The following UCP3 variants were observed in gnomAD, a reference collection of about 807,000 sequenced individuals.
UCP3 encodes putative mitochondrial transporter UCP3.
In UCP3, 24 loss-of-function variants were observed where a neutral mutation model predicts 28.1. That is an observed-to-expected ratio of 0.85 (90% CI 0.62 to 1.20). UCP3 has a LOEUF of 1.20. Ranked by LOEUF, UCP3 falls within the 50% of genes most tolerant of loss-of-function variation. The pLI, the probability that UCP3 is intolerant of heterozygous loss-of-function variation, is 0.00. For synonymous variants in UCP3, 184 were observed against 171.2 expected, an observed-to-expected ratio of 1.07 and a Z score of -0.59; for missense variants, 397 against 422.2, an observed-to-expected ratio of 0.94 and a Z score of 0.52.
Position 74,006,292 on chromosome 11 carries a change from C to T in UCP3, c.214G>A (p.Glu72Lys). 1.9e-6 allele frequency: 3 copies of T among 1,612,256 alleles called. No individual in the cohort carries two copies. Among genetic ancestry groups the T allele is most frequent in the Non-Finnish European group, 2.5e-6 (3 of 1,179,824 alleles). The change falls in exon 3 of 7, where the codon GAG (glutamate) becomes AAG (lysine). Residue 72 changes from glutamate (E) to lysine (K), a missense_variant. Physicochemically the swap from Glu to Lys is moderately conservative, Grantham distance 56. Transcript: ENST00000314032. ...CCATTGTAGGGGCTGCAGGGACCCT[C>T]AGTCCGCACCATGGTCAGGATGGTG... is the stretch of plus-strand genomic sequence containing the variant. ...LGTILTMVRT[E>K]GPCSPYNGLV...
At position 74,001,333 on chromosome 11, in the gene UCP3, T is replaced by C; in HGVS notation, c.*79A>G. 1.5e-6 allele frequency: 2 copies of C among 1,310,964 alleles called. No individual in the cohort carries two copies. The highest frequency in any genetic ancestry group is 1.1e-6 in the Non-Finnish European group (1 of 910,390). The allele number at this position is 1,310,964 out of a possible 1,614,324, so 81.2% of individuals were successfully genotyped here. ...GTAAACATGTGTGGGTCTGTGTCCA[T>C]GTGTGCGTGGATGCACCGTTTTCTT... On this transcript the variant is annotated 3_prime_UTR_variant, in exon 7 of 7. Coordinates refer to ENST00000314032, the MANE Select transcript of UCP3 (RefSeq NM_003356.4).
rs1951667274 is a variant in UCP3 at position 74,006,371 on chromosome 11, C to T, written c.135G>A (p.Gly45=). ...DTAKVRLQIQ[G]ENQAVQTARL... ...GGGCCGTCTGGACCGCCTGGTTCTCCCCCTGGATCTGAGGGACAATAGCAG... is the reference window on the plus strand; with the variant it reads ...GGGCCGTCTGGACCGCCTGGTTCTCTCCCTGGATCTGAGGGACAATAGCAG... Residue 45 remains glycine, a synonymous_variant, in exon 3 of 7, where the codon GGG becomes GGA. Coordinates refer to ENST00000314032, the MANE Select transcript of UCP3 (RefSeq NM_003356.4). The T allele has an allele frequency of 2.6e-6, 4 of 1,567,250 alleles. No individual in the cohort carries two copies. The highest frequency in any genetic ancestry group is 2.6e-6 in the Non-Finnish European group (3 of 1,159,788).
intron 1 of UCP3, among the ~76,000 whole-genome samples, chr11:74,008,552 A>G (rs1207296466): frequency 6.6e-6 from 1 of 152,182 alleles, no homozygotes; most frequent in Non-Finnish European, 1.5e-5. Flanking sequence ...ACCACGCCTC[A>G]GGTCAGAAGT....
At chr11:74,004,091 T>C (rs1484744953) in intron 5 of UCP3, 84 bp from the exon 6 acceptor site, 1 of 1,563,814 alleles carries the variant, frequency 6.4e-7, no homozygotes, top group Non-Finnish European at 8.7e-7. Flanking sequence ...AACTCAACCG[T>C]GAACTCCCTG....
chr11:74,006,657 C>A (rs1361849902), intron 2 of UCP3, among the ~76,000 whole-genome samples: 2 of 152,220 alleles, frequency 1.3e-5, no homozygotes, highest in African/African-American at 4.8e-5. Flanking sequence ...ACAGTTAATT[C>A]CTTACTTTTA....
intron 1 of UCP3, 52 bp from the exon 2 acceptor site, chr11:74,007,189 C>T (rs988737997): frequency 3.7e-6 from 4 of 1,069,738 alleles, no homozygotes; most frequent in South Asian, 3.2e-5. Flanking sequence ...GGCCTGGCTC[C>T]CAGGAACTCT....
At chr11:74,007,283 G>T in intron 1 of UCP3, 146 bp from the exon 2 acceptor site, 2 of 543,446 alleles carry the variant, frequency 3.7e-6, no homozygotes, top group Non-Finnish European at 6.6e-6. Flanking sequence ...ATAAAAACAG[G>T]TCACGTTCCT....
At position 74,006,397 on chromosome 11, in the gene UCP3, G is replaced by C; in HGVS notation, c.127-18C>G. ...CCCTGGATCTGAGGGACAATAGCAG[G>C]GGGTGAGGACTCAGATGGGAAGGCA... On this transcript the variant is annotated intron_variant, in intron 2 of 6. Coordinates refer to ENST00000314032, the MANE Select transcript of UCP3 (RefSeq NM_003356.4). The C allele has an allele frequency of 2.6e-6, 4 of 1,534,042 alleles. No individual in the cohort carries two copies. The South Asian group carries it at 3.7e-5, about 14-fold the overall frequency.
chr11:74,001,209 C>T lies in UCP3; in HGVS notation c.*203G>A. 1 of 590,350 alleles carries T rather than the reference C, an allele frequency of 1.7e-6. No individual in the cohort carries two copies. The highest frequency in any genetic ancestry group is 3.0e-6 in the Non-Finnish European group (1 of 332,102). The allele number at this position is 590,350 out of a possible 1,614,324, so 36.6% of individuals were successfully genotyped here. On this transcript the variant is annotated 3_prime_UTR_variant, in exon 7 of 7. Coordinates refer to ENST00000314032, the MANE Select transcript of UCP3 (RefSeq NM_003356.4). ...TAATTTATTTTCCATCTTGTCAGTGCAAAACAAAGGTGTTCTTGAGGCATG... is the reference window on the plus strand; with the variant it reads ...TAATTTATTTTCCATCTTGTCAGTGTAAAACAAAGGTGTTCTTGAGGCATG...
chr11:74,005,922 T>G lies in UCP3; in HGVS notation c.349A>C (p.Thr117Pro), dbSNP rs1225601927. 9.9e-6 allele frequency: 16 copies of G among 1,614,110 alleles called. No individual in the cohort carries two copies. The highest frequency in any genetic ancestry group is 1.3e-5 in the Non-Finnish European group (15 of 1,180,010). Residue 117 changes from threonine (T) to proline (P), a missense_variant, in exon 4 of 7, where the codon ACT (threonine) becomes CCT (proline). By Grantham distance (38) the Thr-to-Pro change is conservative. Coordinates refer to ENST00000314032, the MANE Select transcript of UCP3 (RefSeq NM_003356.4). ...TPKGADNSSL[T>P]TRILAGCTTG... ...GTGCAGCCGGCCAAAATCCGGGTAG[T>G]GAGGCTGGAGTCTGGGAGGGGCAGA...
At position 74,004,538 on chromosome 11, in the gene UCP3, C is replaced by T. The variant is rs1288665798; in HGVS notation, c.589G>A (p.Val197Met). Residue 197 changes from valine to methionine, a missense_variant, in exon 5 of 7, where the codon GTG becomes ATG. By Grantham distance (21) the Val-to-Met change is conservative. Transcript: ENST00000314032. ...MRNAIVNCAE[V>M]VTYDILKEKL... The stretch of plus-strand genomic sequence containing the variant: ...TCCTTGAGGATGTCGTAGGTCACCA[C>T]CTCAGCACAGTTGACGATAGCATTC... 2 of 1,614,096 alleles carry T rather than the reference C, an allele frequency of 1.2e-6. No individual in the cohort carries two copies. The highest frequency in any genetic ancestry group is 1.1e-5 in the South Asian group (1 of 91,072).
chr11:74,004,117 T>C, intron 5 of UCP3, 110 bp from the exon 6 acceptor site: 1 of 1,519,646 alleles, frequency 6.6e-7, no homozygotes, highest in Non-Finnish European at 8.9e-7. Context: ...AGGACAGTAT[T>C]TTCCATATCT....
intron 1 of UCP3, among the ~76,000 whole-genome samples, chr11:74,008,764 G>C (rs990815880): frequency 6.6e-6 from 1 of 152,156 alleles, no homozygotes; most frequent in East Asian, 1.9e-4. Flanking sequence ...CGGGTGTTGG[G>C]TTCAAGCCCC....
intron 4 of UCP3, among the ~76,000 whole-genome samples, chr11:74,005,311 C>T (rs1951654491): frequency 6.6e-6 from 1 of 152,126 alleles, no homozygotes; most frequent in Non-Finnish European, 1.5e-5. Context: ...GCTTGAGGGC[C>T]CCTCCCCTTC....
Position 74,001,069 on chromosome 11 carries a change from C to A in UCP3, c.*343G>T. The A allele has an allele frequency of 3.1e-6, 1 of 320,104 alleles. No homozygotes were observed. Among genetic ancestry groups the A allele is most frequent in the South Asian group, 4.0e-5 (1 of 24,828 alleles). The allele number at this position is 320,104 out of a possible 1,614,324, so 19.8% of individuals were successfully genotyped here. A position where few individuals can be genotyped will look rare whatever the true frequency, so the allele number is the denominator to read the frequency against. Reference sequence around the variant, plus strand: ...TCCTGCTTATCATTCATTATCTAACCAGATTTCACGGGGATACACGTCTCC... The same window carrying A: ...TCCTGCTTATCATTCATTATCTAACAAGATTTCACGGGGATACACGTCTCC... On this transcript the variant is annotated 3_prime_UTR_variant, in exon 7 of 7. Coordinates refer to ENST00000314032, the MANE Select transcript of UCP3 (RefSeq NM_003356.4).
At chr11:74,004,304 C>T (rs1454208395) in intron 5 of UCP3, among the ~76,000 whole-genome samples, 180 bp downstream of exon 5, 1 of 152,102 alleles carries the variant, frequency 6.6e-6, no homozygotes, top group African/African-American at 2.4e-5. Context: ...AGTCTCCAGC[C>T]TCCCAGCCCA....
Position 74,001,349 on chromosome 11 carries a change from C to G in UCP3, c.*63G>C. 1 of 1,505,766 alleles carries G rather than the reference C, an allele frequency of 6.6e-7. No individual in the cohort carries two copies. Among genetic ancestry groups the G allele is most frequent in the Non-Finnish European group, 9.2e-7 (1 of 1,083,280 alleles). 93.3% of individuals were successfully genotyped at this position (1,505,766 alleles called of 1,614,324 possible). A position where few individuals can be genotyped will look rare whatever the true frequency, so the allele number is the denominator to read the frequency against. ...CTGTGTCCATGTGTGCGTGGATGCACCGTTTTCTTCCATTCTTAACTGGTT... is the reference window on the plus strand; with the variant it reads ...CTGTGTCCATGTGTGCGTGGATGCAGCGTTTTCTTCCATTCTTAACTGGTT... On this transcript the variant is annotated 3_prime_UTR_variant, in exon 7 of 7. Transcript: ENST00000314032.
intron 4 of UCP3, 33 bp from the exon 5 acceptor site, chr11:74,004,618 T>G: frequency 3.2e-6 from 5 of 1,563,964 alleles, no homozygotes; most frequent in Non-Finnish European, 4.4e-6. Flanking sequence ...GGATGTGAAA[T>G]GGGTGGGGAG....
intron 1 of UCP3, among the ~76,000 whole-genome samples, chr11:74,008,465 G>C (rs1042422372): frequency 6.6e-6 from 1 of 152,108 alleles, no homozygotes; most frequent in Non-Finnish European, 1.5e-5. Context: ...TCCCGGCAAA[G>C]CCTTCACAGC....
Sources: allele counts gnomAD v4.1 joint callset (sites outside exome capture counted in the v4.1 genomes callset), GRCh38; gene constraint gnomAD v4.1.1; transcripts MANE v1.5; gene names NCBI Gene and HGNC (gene_info 2026-07-23, HGNC 2026-07-21).